The following ENOX1 variants were observed in gnomAD, a reference collection of about 807,000 sequenced individuals.
ENOX1 encodes the protein candidate growth-related and time keeping constitutive hydroquinone (NADH) oxidase.
ENOX1 carries 42 observed loss-of-function variants against 82.5 expected under a neutral mutation model. That is an observed-to-expected ratio of 0.51 (90% CI 0.40 to 0.66). ENOX1 has a LOEUF of 0.66. Ranked by LOEUF, ENOX1 falls within the 30% of genes least tolerant of loss-of-function variation. The pLI is 0.00. For synonymous variants in ENOX1, 271 were observed against 282.2 expected, an observed-to-expected ratio of 0.96 and a Z score of 0.40; for missense variants, 608 against 811.6, an observed-to-expected ratio of 0.75 and a Z score of 3.05.
At chr13:43,470,206 GTA>G (rs375850161) in intron 3 of ENOX1, among the ~76,000 whole-genome samples, 1,957 of 75,312 alleles carry the variant, frequency 0.026, 116 homozygotes, top group African/African-American at 0.07. Context: ...ATATATATGT[GTA>G]TATATATATG....
intron 2 of ENOX1, among the ~76,000 whole-genome samples, chr13:43,618,537 TC>T (rs2082583768): frequency 6.6e-6 from 1 of 152,206 alleles, no homozygotes; most frequent in Non-Finnish European, 1.5e-5. Context: ...TTGTCAAAGA[TC>T]AGTTGGCTGT....
chr13:43,281,963 A>G (rs1379920203), intron 12 of ENOX1, among the ~76,000 whole-genome samples: 1 of 152,164 alleles, frequency 6.6e-6, no homozygotes, highest in East Asian at 1.9e-4. Flanking sequence ...ATTGAAAGAG[A>G]TTATATCGGG....
Position 43,425,440 on chromosome 13 carries a change from C to T in ENOX1, c.-74-12452G>A, listed in dbSNP as rs563232298. 5.3e-5 allele frequency among the ~76,000 whole-genome samples: 8 copies of T among 152,312 alleles called. No individual in the cohort carries two copies. In the South Asian group the frequency reaches 1.2e-3, roughly 24 times the overall value. On this transcript the variant is annotated intron_variant, in intron 3 of 16. Coordinates refer to ENST00000690772, the MANE Select transcript of ENOX1 (RefSeq NM_001347969.2). ...TTAAAATGTCCTCCACCCCTACCGT[C>T]CCCCATTAACACATTCTCCTTTTCA...
chr13:43,532,880 C>T (rs913210705), intron 2 of ENOX1, among the ~76,000 whole-genome samples: 6 of 150,256 alleles, frequency 4.0e-5, no homozygotes, highest in Non-Finnish European at 8.9e-5. Flanking sequence ...AATATATATA[C>T]AAATATATTA....
chr13:43,236,780 G>A, intron 14 of ENOX1, 42 bp from the exon 15 acceptor site: 2 of 1,202,214 alleles, frequency 1.7e-6, no homozygotes, highest in Non-Finnish European at 2.3e-6. Context: ...GGTTTATGTA[G>A]ATTCTGTGCA....
intron 16 of ENOX1, among the ~76,000 whole-genome samples, chr13:43,221,385 G>T (rs1424823843): frequency 6.6e-6 from 1 of 152,176 alleles, no homozygotes; most frequent in Non-Finnish European, 1.5e-5. Flanking sequence ...GATGGGCCCT[G>T]GGGCTGACAT....
At chr13:43,565,678 T>C (rs533680743) in intron 2 of ENOX1, among the ~76,000 whole-genome samples, 39 of 152,316 alleles carry the variant, frequency 2.6e-4, no homozygotes, top group African/African-American at 9.1e-4. Flanking sequence ...ATTCTTGCCT[T>C]TTGTTTCCTT....
At chr13:43,592,865 TA>T (rs1201498386) in intron 2 of ENOX1, among the ~76,000 whole-genome samples, 1 of 152,176 alleles carries the variant, frequency 6.6e-6, no homozygotes, top group Non-Finnish European at 1.5e-5. Context: ...TTTGGCACAT[TA>T]AAAATTGATC....
At chr13:43,666,543 CT>C (rs150785855) in intron 2 of ENOX1, among the ~76,000 whole-genome samples, 3,111 of 152,232 alleles carry the variant, frequency 0.02, 121 homozygotes, top group African/African-American at 0.072. Flanking sequence ...ATGCCTGAGG[CT>C]GCCAGAAGGT....
chr13:43,590,584 CT>C (rs1215718289), intron 2 of ENOX1, among the ~76,000 whole-genome samples: 2 of 149,304 alleles, frequency 1.3e-5, no homozygotes, highest in Non-Finnish European at 3.0e-5. Flanking sequence ...ACCATTGTGG[CT>C]AACATGGTGA....
At chr13:43,636,573 A>G (rs1378425011) in intron 2 of ENOX1, among the ~76,000 whole-genome samples, 1 of 152,206 alleles carries the variant, frequency 6.6e-6, no homozygotes, top group African/African-American at 2.4e-5. Flanking sequence ...AAATTATCCT[A>G]TATTTGACAC....
chr13:43,333,555 C>A (rs745799070), intron 9 of ENOX1, among the ~76,000 whole-genome samples: 4 of 152,214 alleles, frequency 2.6e-5, no homozygotes, highest in Admixed American at 2.6e-4. Flanking sequence ...ACCCTCGAAA[C>A]GGCAACCCTG....
chr13:43,296,099 C>T (rs980982194), intron 12 of ENOX1, among the ~76,000 whole-genome samples: 1 of 152,216 alleles, frequency 6.6e-6, no homozygotes, highest in Non-Finnish European at 1.5e-5. Context: ...CCTCATTTGA[C>T]ACAGATATTT....
chr13:43,357,984 G>A (rs949356610), intron 7 of ENOX1, among the ~76,000 whole-genome samples: 1 of 152,122 alleles, frequency 6.6e-6, no homozygotes, highest in Non-Finnish European at 1.5e-5. Context: ...AGGCTCCTCT[G>A]CACCCAGGTA....
At chr13:43,616,204 A>ATAT (rs1457149422) in intron 2 of ENOX1, among the ~76,000 whole-genome samples, 9 of 15,316 alleles carry the variant, frequency 5.9e-4, no homozygotes, top group African/African-American at 9.0e-4. Flanking sequence ...ATATATATAT[A>ATAT]TTTTTTTTTT....
chr13:43,725,728 G>A (rs1045088331), intron 1 of ENOX1, among the ~76,000 whole-genome samples: 1 of 151,828 alleles, frequency 6.6e-6, no homozygotes, highest in East Asian at 1.9e-4. Context: ...CACTTTGGGA[G>A]GCAGAGGCCA....
intron 5 of ENOX1, among the ~76,000 whole-genome samples, chr13:43,411,521 A>G (rs2153598616): frequency 6.6e-6 from 1 of 152,358 alleles, no homozygotes; most frequent in Middle Eastern, 3.4e-3. Context: ...CTCTATTTGT[A>G]AAATGGAAAC....
rs543461836 is a variant in ENOX1, at chr13:43,751,401, C to T, written c.-285+35251G>A. On this transcript the variant is annotated intron_variant, in intron 1 of 16. Coordinates refer to ENST00000690772, the MANE Select transcript of ENOX1 (RefSeq NM_001347969.2). ...AATAATAGTTTAAACACAATAAACT[C>T]CACACTTTAAAGTGTACAATTTCGT... is the stretch of plus-strand genomic sequence containing the variant. Among the ~76,000 whole-genome samples the T allele has an allele frequency of 7.0e-4, 106 of 152,262 alleles. 1 individual carries two copies. Among genetic ancestry groups the T allele is most frequent in the Admixed American group, 2.4e-3 (36 of 15,296 alleles).
At chr13:43,508,189 T>G (rs912930884) in intron 2 of ENOX1, among the ~76,000 whole-genome samples, 1 of 152,020 alleles carries the variant, frequency 6.6e-6, no homozygotes, top group African/African-American at 2.4e-5. Flanking sequence ...GAGAGCTCCA[T>G]CCTCATGAAT....
Sources: gnomAD v4.1 joint callset for allele counts (sites outside exome capture counted in the v4.1 genomes callset) on GRCh38, gnomAD v4.1.1 for gene constraint, MANE v1.5 for transcripts, NCBI Gene and HGNC (gene_info 2026-07-23, HGNC 2026-07-21) for gene names.